Variants in BRI3 observed in about 807,000 individuals in gnomAD.
The protein encoded by BRI3 is membrane protein BRI3.
In BRI3, 6 loss-of-function variants were observed where a neutral mutation model predicts 12.8. The ratio of observed to expected loss-of-function variants is 0.47; its 90% CI spans 0.26 to 0.93. The LOEUF is 0.93. BRI3 is among the 40% of genes least tolerant of loss of function. BRI3 has a pLI of 0.15. For missense variants in BRI3, 134 were observed against 171.1 expected (o/e 0.78, Z 1.21); for synonymous variants, 91 against 76.1 (o/e 1.20, Z -1.02).
At chr7:98,297,560 C>T (rs546237773), downstream of BRI3, among the ~76,000 whole-genome samples, 9 of 152,344 alleles carry the variant, frequency 5.9e-5, no homozygotes, top group South Asian at 1.7e-3. Flanking sequence ...AAGTGGCCCT[C>T]ACTGACACCT....
upstream of BRI3, among the ~76,000 whole-genome samples, chr7:98,301,712 G>A (rs759422736): frequency 7.9e-5 from 12 of 152,142 alleles, no homozygotes; most frequent in Non-Finnish European, 1.6e-4. Context: ...GGGGGTTAGA[G>A]GGAGGGTGGT....
downstream of BRI3, chr7:98,292,019 T>C (rs1487129573): frequency 6.5e-6 from 1 of 153,364 alleles, no homozygotes; most frequent in Non-Finnish European, 1.5e-5. Context: ...CTGGGGTTGT[T>C]AACATAGTTC....
downstream of BRI3, among the ~76,000 whole-genome samples, chr7:98,311,372 T>C (rs373192099): frequency 6.7e-6 from 1 of 150,092 alleles, no homozygotes; most frequent in Non-Finnish European, 1.5e-5. Context: ...TGAAACCCGG[T>C]TTCCACTAAA....
At chr7:98,304,241 T>C (rs765485115), upstream of BRI3, 3 of 1,613,114 alleles carry the variant, frequency 1.9e-6, no homozygotes, top group Admixed American at 3.3e-5. Context: ...TAAAGGTGGA[T>C]GTCGTCCTGG....
exon 2 of BRI3, chr7:98,307,744 G>C (rs766661364): frequency 1.9e-6 from 3 of 1,614,236 alleles, no homozygotes; most frequent in Non-Finnish European, 2.5e-6. Flanking sequence ...TCGGGGATGA[G>C]CAGCGTGATG....
chr7:98,310,460 C>T (rs192892688), downstream of BRI3: 5 of 1,598,698 alleles, frequency 3.1e-6, no homozygotes, highest in Admixed American at 5.4e-5. Flanking sequence ...GAATTATTTA[C>T]CCTTTGTGAA....
chr7:98,302,920 G>T (rs985300547), upstream of BRI3, among the ~76,000 whole-genome samples: 3 of 152,122 alleles, frequency 2.0e-5, no homozygotes, highest in Non-Finnish European at 1.5e-5. Context: ...GAACAGCTGG[G>T]ACTACAGACA....
chr7:98,320,450 C>G, the BRI3 span: 155 of 629,152 alleles, frequency 2.5e-4, no homozygotes, highest in Non-Finnish European at 3.8e-4. Context: ...ATTCTCCTGC[C>G]TCAGCCTCCC....
chr7:98,296,567 T>C (rs894488357), downstream of BRI3, among the ~76,000 whole-genome samples: 1 of 152,170 alleles, frequency 6.6e-6, no homozygotes, highest in Non-Finnish European at 1.5e-5. Flanking sequence ...GAGGTTGTGG[T>C]GAGCTGAGAT....
At chr7:98,312,413 C>A (rs773843329), downstream of BRI3, 40 of 811,158 alleles carry the variant, frequency 4.9e-5, no homozygotes, top group Non-Finnish European at 6.3e-5. Context: ...GCACTTTAAG[C>A]ACCTAGAGGA....
At chr7:98,296,069 A>G (rs1345268273), downstream of BRI3, among the ~76,000 whole-genome samples, 2 of 152,060 alleles carry the variant, frequency 1.3e-5, no homozygotes, top group Admixed American at 1.3e-4. Flanking sequence ...ACGCCCGTCA[A>G]TGGGAGAGTC....
upstream of BRI3, among the ~76,000 whole-genome samples, chr7:98,305,434 G>A (rs549280332): frequency 5.1e-4 from 78 of 152,256 alleles, no homozygotes; most frequent in East Asian, 7.7e-4. Context: ...GAAGATTGCA[G>A]ACAGCATCAG....
chr7:98,310,590 A>T (rs1161974481), downstream of BRI3: 1 of 1,564,826 alleles, frequency 6.4e-7, no homozygotes, highest in Non-Finnish European at 8.6e-7. Flanking sequence ...AATCTTTCCT[A>T]ACCTGTGAAA....
intron 2 of BRI3, chr7:98,282,834 G>A (rs908675695): frequency 1.5e-5 from 3 of 205,354 alleles, no homozygotes; most frequent in African/African-American, 7.0e-5. Flanking sequence ...CTCTGCAGTT[G>A]ATCGTCGAAG....
the BRI3 span, chr7:98,320,432 T>C: frequency 1.6e-6 from 1 of 643,540 alleles, no homozygotes; most frequent in East Asian, 2.8e-5. Context: ...GCCTCCCGGG[T>C]TCAAACTATT....
the BRI3 span, among the ~76,000 whole-genome samples, chr7:98,322,528 C>CA: frequency 6.6e-6 from 1 of 152,190 alleles, no homozygotes; most frequent in Non-Finnish European, 1.5e-5. Context: ...CTGTAGGGTG[C>CA]AGCCATGTCC....
downstream of BRI3, chr7:98,310,648 C>A (rs574826362): frequency 2.2e-3 from 3,019 of 1,349,078 alleles, 6 homozygotes; most frequent in Non-Finnish European, 2.9e-3. Flanking sequence ...CGGAATTACA[C>A]AGATTCCCAA....
chr7:98,320,260 G>A, the BRI3 span: 5 of 1,609,906 alleles, frequency 3.1e-6, no homozygotes, highest in Non-Finnish European at 4.2e-6. Flanking sequence ...CTCTCGTTGA[G>A]TTTCTTGTGG....
downstream of BRI3, among the ~76,000 whole-genome samples, chr7:98,294,911 G>A (rs1447782417): frequency 6.6e-6 from 1 of 152,094 alleles, no homozygotes; most frequent in Non-Finnish European, 1.5e-5. Flanking sequence ...CCAGGTGTGT[G>A]CGCGCCTTCT....
Sources: gnomAD v4.1 joint callset for allele counts (sites outside exome capture counted in the v4.1 genomes callset) on GRCh38, gnomAD v4.1.1 for gene constraint, MANE v1.5 for transcripts, NCBI Gene and HGNC (gene_info 2026-07-23, HGNC 2026-07-21) for gene names.